The following POLD3 variants were observed in gnomAD, a reference collection of about 807,000 sequenced individuals.
POLD3 encodes the protein DNA polymerase delta subunit 3.
A neutral mutation model predicts 58.2 loss-of-function variants in POLD3; 19 were observed. The observed-to-expected ratio is 0.33, with a 90% CI of 0.23 to 0.48. The LOEUF (loss-of-function observed/expected upper bound fraction) is 0.48, where lower values mean the gene tolerates loss of function less well. Among genes scored for constraint, POLD3 ranks in the 20% least tolerant of loss-of-function variants. The pLI, the probability that POLD3 is intolerant of heterozygous loss-of-function variation, is 0.99. For missense variants in POLD3, 504 were observed against 545.5 expected (o/e 0.92, Z 0.76); for synonymous variants, 172 against 193.5 (o/e 0.89, Z 0.92).
intron 4 of POLD3, among the ~76,000 whole-genome samples, chr11:74,656,169 A>G (rs1035577043): frequency 2.6e-5 from 4 of 152,200 alleles, no homozygotes; most frequent in African/African-American, 4.8e-5. Flanking sequence ...GATGACAAAA[A>G]CTAGGTTATT....
chr11:74,616,614 A>G (rs1028437497), intron 5 of POLD3, among the ~76,000 whole-genome samples: 2 of 152,366 alleles, frequency 1.3e-5, no homozygotes, highest in African/African-American at 4.8e-5. Flanking sequence ...GGGTGAAAGC[A>G]AATGATTTCC....
At chr11:74,613,133 A>G in intron 5 of POLD3, 123 bp downstream of exon 5, 1 of 858,356 alleles carries the variant, frequency 1.2e-6, no homozygotes. Flanking sequence ...TTGCAGTAAG[A>G]AACATGCCTG....
At position 74,640,561 on chromosome 11, in the gene POLD3, C is replaced by T; in HGVS notation, c.1199-3C>T. 1 of 1,509,098 alleles carries T rather than the reference C, an allele frequency of 6.6e-7. No homozygotes were observed. The allele number at this position is 1,509,098 out of a possible 1,614,324, so 93.5% of individuals were successfully genotyped here. ...ATGTTCCATTTTTTTCTCATCCTAC[C>T]AGTGACTGAAAAAGTCTACGAGAGT... On this transcript the variant is annotated splice_region_variant and splice_polypyrimidine_tract_variant and intron_variant, in intron 11 of 11. Transcript: ENST00000263681.
intron 2 of POLD3, chr11:74,595,519 C>T (rs1268243104): frequency 6.6e-6 from 1 of 152,144 alleles, no homozygotes; most frequent in African/African-American, 2.4e-5. Flanking sequence ...ATTCTGAATA[C>T]AAGACCCTGA....
At chr11:74,647,216 G>A (rs555894786), downstream of POLD3, among the ~76,000 whole-genome samples, 6 of 152,320 alleles carry the variant, frequency 3.9e-5, no homozygotes, top group East Asian at 1.9e-4. Flanking sequence ...GAACCAGTCC[G>A]CAGCCCGGGG....
intron 8 of POLD3, among the ~76,000 whole-genome samples, chr11:74,627,283 A>T (rs2032459632): frequency 6.6e-6 from 1 of 152,142 alleles, no homozygotes; most frequent in Admixed American, 6.5e-5. Flanking sequence ...CAACAAAAAA[A>T]GTTTAAAAAG....
At chr11:74,592,763 T>G in intron 1 of POLD3, 45 bp downstream of exon 1, 1 of 1,609,948 alleles carries the variant, frequency 6.2e-7, no homozygotes, top group Non-Finnish European at 8.5e-7. Context: ...ACCGGGGTCC[T>G]GGGCCCGGCT....
chr11:74,650,256 A>G (rs2033051574), intron 4 of POLD3, among the ~76,000 whole-genome samples: 1 of 152,192 alleles, frequency 6.6e-6, no homozygotes, highest in East Asian at 1.9e-4. Flanking sequence ...TAGACAGCAC[A>G]TCAGACTGTC....
chr11:74,662,962 A>C (rs2033223258), intron 4 of POLD3, among the ~76,000 whole-genome samples: 1 of 152,196 alleles, frequency 6.6e-6, no homozygotes, highest in Non-Finnish European at 1.5e-5. Context: ...AAAGTCCCAC[A>C]GTTGCTGCAC....
intron 1 of POLD3, among the ~76,000 whole-genome samples, chr11:74,593,844 TTTTCA>T (rs1374041285): frequency 2.0e-5 from 3 of 152,214 alleles, no homozygotes; most frequent in Admixed American, 2.0e-4. Flanking sequence ...TTTAGATTAC[TTTTCA>T]TTAGTTCATG....
At chr11:74,637,435 C>CT (rs5792663) in intron 11 of POLD3, among the ~76,000 whole-genome samples, 87,517 of 115,482 alleles carry the variant, frequency 0.76, 33,401 homozygotes, top group African/African-American at 0.84. Context: ...CTTTTTCTTC[C>CT]TTTTTTTTTT....
chr11:74,667,454 C>T (rs76704686), intron 4 of POLD3, among the ~76,000 whole-genome samples: 61,578 of 151,982 alleles, frequency 0.41, 13,882 homozygotes, highest in Non-Finnish European at 0.51. Flanking sequence ...GGTGTGAACC[C>T]GGGGGGCGGA....
At chr11:74,616,277 A>G (rs905046206) in intron 5 of POLD3, among the ~76,000 whole-genome samples, 2 of 152,260 alleles carry the variant, frequency 1.3e-5, no homozygotes, top group Non-Finnish European at 2.9e-5. Flanking sequence ...AAGTGAATTT[A>G]TCTCCAACAA....
At chr11:74,596,460 A>G (rs932504800) in intron 2 of POLD3, among the ~76,000 whole-genome samples, 1 of 152,176 alleles carries the variant, frequency 6.6e-6, no homozygotes, top group Admixed American at 6.5e-5. Flanking sequence ...TGCTGGGATT[A>G]CAGATGTGAG....
intron 3 of POLD3, among the ~76,000 whole-genome samples, chr11:74,610,032 C>T (rs891422401): frequency 6.6e-5 from 10 of 152,118 alleles, no homozygotes; most frequent in East Asian, 3.8e-4. Context: ...TAGGATTGCT[C>T]GGTCAAAGGG....
intron 4 of POLD3, among the ~76,000 whole-genome samples, chr11:74,649,952 G>A (rs2033047931): frequency 6.6e-6 from 1 of 152,222 alleles, no homozygotes; most frequent in African/African-American, 2.4e-5. Context: ...TTGGACTTTA[G>A]AGTCAGGCAA....
chr11:74,598,090 A>G (rs916572040), intron 2 of POLD3, among the ~76,000 whole-genome samples: 10 of 152,164 alleles, frequency 6.6e-5, no homozygotes, highest in African/African-American at 2.4e-4. Flanking sequence ...GAGGAGAGAG[A>G]AAAAAGGGAG....
intron 4 of POLD3, among the ~76,000 whole-genome samples, chr11:74,666,947 G>A (rs1302268908): frequency 7.8e-6 from 1 of 128,222 alleles, no homozygotes; most frequent in African/African-American, 2.9e-5. Flanking sequence ...AGCAATTGAT[G>A]TTTAAAGTTG....
Position 74,640,645 on chromosome 11 carries a change from C to A in POLD3, c.1280C>A (p.Pro427His), listed in dbSNP as rs756278787. ...LNMKTSSVHR[P>H]PAMTVKKEPR... ...ATGAAGACATCCTCAGTACACAGAC[C>A]CCCTGCCATGACTGTGAAAAAAGAA... Residue 427 changes from proline (P) to histidine (H), a missense_variant, in exon 12 of 12, where the codon CCC (proline) becomes CAC (histidine). Pro to His is a moderately conservative substitution (Grantham distance 77, BLOSUM62 -2). This residue lies in a region of POLD3 where 385 missense variants were observed against 370.5 expected (regional missense o/e 1.04). Coordinates refer to ENST00000263681, the MANE Select transcript of POLD3 (RefSeq NM_006591.3). 1.1e-5 allele frequency: 17 copies of A among 1,611,608 alleles called. No homozygotes were observed. In the East Asian group the frequency reaches 3.8e-4, roughly 36 times the overall value.
Sources: gnomAD v4.1 joint callset for allele counts (sites outside exome capture counted in the v4.1 genomes callset) on GRCh38, gnomAD v4.1.1 for gene constraint, gnomAD v4.1.1 regional missense constraint, MANE v1.5 for transcripts, NCBI Gene and HGNC (gene_info 2026-07-23, HGNC 2026-07-21) for gene names.